USP37: variants seen among roughly 807,000 people sequenced by gnomAD.
USP37 encodes ubiquitin specific peptidase 37, also known as ubiquitin carboxyl-terminal hydrolase 37.
USP37 carries 27 observed loss-of-function variants against 124.0 expected under a neutral mutation model. That is an observed-to-expected ratio of 0.22 (90% CI 0.16 to 0.30). USP37 has a LOEUF of 0.30. USP37 is among the 10% of genes least tolerant of loss of function. USP37 has a pLI of 1.00. For missense variants in USP37, 889 were observed against 1,140.4 expected (o/e 0.78, Z 3.17); for synonymous variants, 365 against 388.0 (o/e 0.94, Z 0.70).
chr2:218,507,342 C>T (rs1036567163), intron 11 of USP37, among the ~76,000 whole-genome samples: 2 of 150,190 alleles, frequency 1.3e-5, no homozygotes, highest in Admixed American at 6.7e-5. Flanking sequence ...ATTTTTAGTA[C>T]AGACAGGGTT....
chr2:218,512,098 G>A (rs1690033371), intron 10 of USP37, among the ~76,000 whole-genome samples: 1 of 152,168 alleles, frequency 6.6e-6, no homozygotes, highest in African/African-American at 2.4e-5. Flanking sequence ...AAAAAAATGT[G>A]TAGGCCAGGC....
At chr2:218,545,183 G>A (rs978742347) in intron 8 of USP37, among the ~76,000 whole-genome samples, 1 of 152,176 alleles carries the variant, frequency 6.6e-6, no homozygotes, top group African/African-American at 2.4e-5. Context: ...ACCACTGTAC[G>A]CTTTTGCCAC....
intron 2 of USP37, 58 bp downstream of exon 2, chr2:218,562,615 G>A (rs1038493593): frequency 5.0e-6 from 2 of 397,296 alleles, no homozygotes; most frequent in African/African-American, 4.1e-5. Context: ...AAAACTGTCA[G>A]TTCCCGCCAG....
intron 14 of USP37, among the ~76,000 whole-genome samples, chr2:218,492,387 CAG>C (rs1206692001): frequency 4.6e-5 from 7 of 152,160 alleles, no homozygotes; most frequent in Non-Finnish European, 5.9e-5. Flanking sequence ...AAGATGAAGA[CAG>C]AGAGTTAAGA....
rs375444982 is a variant in USP37, at chr2:218,460,832, T to C, written c.2528-927A>G. The stretch of plus-strand genomic sequence containing the variant: ...GGCGCACACCAGTAGTCCCAGCTAC[T>C]CGGGAAGCTGAGGTAGGAGAATCAC... On this transcript the variant is annotated intron_variant, in intron 22 of 25. Coordinates refer to ENST00000258399, the MANE Select transcript of USP37 (RefSeq NM_020935.3). Among the ~76,000 whole-genome samples the C allele has an allele frequency of 7.9e-5, 12 of 152,058 alleles. No individual in the cohort carries two copies. In the East Asian group the frequency reaches 1.4e-3, roughly 17 times the overall value.
At position 218,522,909 on chromosome 2, in the gene USP37, C is replaced by T. The variant is rs962393335; in HGVS notation, c.863+7047G>A. Among the ~76,000 whole-genome samples the T allele has an allele frequency of 3.3e-5, 5 of 152,152 alleles. No individual in the cohort carries two copies. In the East Asian group the frequency reaches 7.7e-4, roughly 24 times the overall value. On this transcript the variant is annotated intron_variant, in intron 10 of 25. Transcript: ENST00000258399. ...ATCCCAGCACTTTGGGAGGTCAAGG[C>T]GGGTGGATCACCTGAGGTCAGGAGT...
chr2:218,468,260 A>G (rs1327319462), intron 20 of USP37, among the ~76,000 whole-genome samples: 1 of 151,718 alleles, frequency 6.6e-6, no homozygotes, highest in African/African-American at 2.4e-5. Flanking sequence ...ACTGGAGTGC[A>G]AGGGCGTGAT....
At chr2:218,507,686 T>C (rs1689754295) in intron 11 of USP37, among the ~76,000 whole-genome samples, 1 of 152,166 alleles carries the variant, frequency 6.6e-6, no homozygotes, top group African/African-American at 2.4e-5. Context: ...ATGAGAATGA[T>C]GGAGGTGGAG....
intron 4 of USP37, among the ~76,000 whole-genome samples, chr2:218,553,987 A>G (rs1019417437): frequency 1.3e-5 from 2 of 152,198 alleles, no homozygotes; most frequent in Non-Finnish European, 2.9e-5. Context: ...AAGGAAAAAT[A>G]AAGAATTGTT....
intron 4 of USP37, 89 bp from the exon 5 acceptor site, chr2:218,553,813 C>A: frequency 8.0e-7 from 1 of 1,253,568 alleles, no homozygotes; most frequent in Non-Finnish European, 1.1e-6. Flanking sequence ...TTTATACTTT[C>A]CATGTTACAT....
chr2:218,547,199 C>T (rs911056594), intron 6 of USP37, 108 bp from the exon 7 acceptor site: 30 of 1,186,676 alleles, frequency 2.5e-5, no homozygotes, highest in East Asian at 7.5e-5. Flanking sequence ...GAGCCAGGTG[C>T]GATGGCTCAT....
chr2:218,459,979 C>G (rs1023366465), intron 22 of USP37, 74 bp from the exon 23 acceptor site: 33 of 1,173,480 alleles, frequency 2.8e-5, no homozygotes, highest in Non-Finnish European at 3.7e-5. Flanking sequence ...ACCTGTAATC[C>G]CAACACTTTG....
intron 6 of USP37, 64 bp from the exon 7 acceptor site, chr2:218,547,155 A>C: frequency 6.6e-7 from 1 of 1,503,816 alleles, no homozygotes; most frequent in Non-Finnish European, 8.9e-7. Flanking sequence ...TAGAACAGTG[A>C]TTCTCCAATG....
At chr2:218,558,316 C>T (rs1693136620) in intron 4 of USP37, among the ~76,000 whole-genome samples, 182 bp downstream of exon 4, 1 of 152,084 alleles carries the variant, frequency 6.6e-6, no homozygotes, top group Admixed American at 6.6e-5. Flanking sequence ...TTATTATATA[C>T]CAACAACAAT....
chr2:218,543,295 A>C (rs781113569), intron 8 of USP37, among the ~76,000 whole-genome samples: 4 of 151,786 alleles, frequency 2.6e-5, no homozygotes, highest in African/African-American at 4.8e-5. Flanking sequence ...TGAGCTCAGA[A>C]GTTCGAGACC....
At chr2:218,479,300 C>T (rs1160632636) in intron 18 of USP37, among the ~76,000 whole-genome samples, 6 of 152,104 alleles carry the variant, frequency 3.9e-5, no homozygotes, top group African/African-American at 1.2e-4. Context: ...AGGAAGAGTG[C>T]TTTAGACTAA....
chr2:218,471,969 G>A (rs1055499284), intron 20 of USP37, among the ~76,000 whole-genome samples: 17 of 151,550 alleles, frequency 1.1e-4, no homozygotes, highest in African/African-American at 4.1e-4. Flanking sequence ...GGCAGAGGTT[G>A]CAGTGAGCTG....
At chr2:218,465,183 T>A (rs944787610) in intron 21 of USP37, among the ~76,000 whole-genome samples, 7 of 152,152 alleles carry the variant, frequency 4.6e-5, no homozygotes, top group African/African-American at 7.2e-5. Flanking sequence ...TCATAAAAAA[T>A]TTATATTCTT....
At chr2:218,497,599 G>T in intron 13 of USP37, 135 bp downstream of exon 13, 3 of 1,070,556 alleles carry the variant, frequency 2.8e-6, no homozygotes, top group Non-Finnish European at 3.9e-6. Context: ...TCGCCATGTT[G>T]GCCAGGCTGG....
Sources: gnomAD v4.1 joint callset for allele counts (sites outside exome capture counted in the v4.1 genomes callset) on GRCh38, gnomAD v4.1.1 for gene constraint, MANE v1.5 for transcripts, NCBI Gene and HGNC (gene_info 2026-07-23, HGNC 2026-07-21) for gene names.